AFG1L: variants seen among roughly 807,000 people sequenced by gnomAD.
AFG1L encodes AFG1 like ATPase, also known as AFG1-like ATPase.
AFG1L carries 53 observed loss-of-function variants against 62.2 expected under a neutral mutation model. The ratio of observed to expected loss-of-function variants is 0.85; its 90% CI spans 0.68 to 1.07. AFG1L has a LOEUF of 1.07. Among genes scored for constraint, AFG1L ranks in the 50% least tolerant of loss-of-function variants. AFG1L has a pLI of 0.00. For synonymous variants in AFG1L, 228 were observed against 210.3 expected (o/e 1.08, Z -0.73); for missense variants, 555 against 590.5 (o/e 0.94, Z 0.62).
chr6:108,418,294 A>G (rs1770418786), intron 7 of AFG1L, among the ~76,000 whole-genome samples: 1 of 152,164 alleles, frequency 6.6e-6, no homozygotes, highest in Non-Finnish European at 1.5e-5. Context: ...GAAAAATTTT[A>G]TGCTCATATA....
intron 7 of AFG1L, among the ~76,000 whole-genome samples, chr6:108,414,852 A>G (rs1223427294): frequency 6.6e-6 from 1 of 152,182 alleles, no homozygotes; most frequent in African/African-American, 2.4e-5. Context: ...TCCCTTTGAA[A>G]ACTGGCACAA....
At chr6:108,360,013 C>T (rs1779459873) in intron 5 of AFG1L, 1 of 152,202 alleles carries the variant, frequency 6.6e-6, no homozygotes, top group South Asian at 2.1e-4. Flanking sequence ...GAGGAAATGT[C>T]ACTTTCCTTA....
chr6:108,509,406 AC>A (rs748137118), intron 10 of AFG1L, among the ~76,000 whole-genome samples: 1 of 152,210 alleles, frequency 6.6e-6, no homozygotes, highest in Non-Finnish European at 1.5e-5. Flanking sequence ...CTTAAATTAA[AC>A]TAAAAATAAT....
chr6:108,460,960 AATG>A (rs1417124483), intron 8 of AFG1L, among the ~76,000 whole-genome samples: 2 of 152,208 alleles, frequency 1.3e-5, no homozygotes, highest in African/African-American at 4.8e-5. Flanking sequence ...CCGTCTCAAC[AATG>A]ACAACAACAA....
intron 8 of AFG1L, among the ~76,000 whole-genome samples, chr6:108,468,832 C>G (rs80352736): frequency 6.7e-6 from 1 of 149,800 alleles, no homozygotes; most frequent in Non-Finnish European, 1.5e-5. Flanking sequence ...CCTTTTCCTG[C>G]ATTTTGGATC....
At chr6:108,360,119 A>T (rs1779464954) in intron 5 of AFG1L, among the ~76,000 whole-genome samples, 1 of 152,204 alleles carries the variant, frequency 6.6e-6, no homozygotes, top group Non-Finnish European at 1.5e-5. Flanking sequence ...TTTTGGCCAC[A>T]GGAAACAGAA....
intron 10 of AFG1L, among the ~76,000 whole-genome samples, chr6:108,490,469 G>A (rs1773732703): frequency 6.6e-6 from 1 of 152,164 alleles, no homozygotes; most frequent in Non-Finnish European, 1.5e-5. Flanking sequence ...ACTGTCATAA[G>A]TTTATTAATT....
intron 1 of AFG1L, among the ~76,000 whole-genome samples, chr6:108,313,525 G>A (rs531193162): frequency 1.3e-5 from 2 of 151,994 alleles, no homozygotes; most frequent in African/African-American, 4.8e-5. Flanking sequence ...CATAGACATT[G>A]CTTTCTCTCT....
intron 7 of AFG1L, among the ~76,000 whole-genome samples, chr6:108,440,837 A>G (rs1210022800): frequency 6.7e-6 from 1 of 149,750 alleles, no homozygotes; most frequent in Admixed American, 6.6e-5. Context: ...AGAAAAAAGG[A>G]AAAGAAAAGT....
At chr6:108,295,245 G>C in intron 1 of AFG1L, 27 bp downstream of exon 1, 1 of 1,587,174 alleles carries the variant, frequency 6.3e-7, no homozygotes, top group Non-Finnish European at 8.5e-7. Flanking sequence ...TGAGTAGTCC[G>C]AGCCGACTGC....
rs1222397371 is a variant in AFG1L, at chr6:108,524,744, G to A, written c.*2319G>A. 6.6e-6 allele frequency: 1 copy of A among 152,192 alleles called. No homozygotes were observed. Among genetic ancestry groups the A allele is most frequent in the African/African-American group, 2.4e-5 (1 of 41,438 alleles). The allele number at this position is 152,192 out of a possible 1,614,324, so 9.4% of individuals were successfully genotyped here. A position where few individuals can be genotyped will look rare whatever the true frequency, so the allele number is the denominator to read the frequency against. On this transcript the variant is annotated 3_prime_UTR_variant, in exon 13 of 13. Transcript: ENST00000368977. ...GTTTATGCAGAAAGTGGGGCTAGAA[G>A]GCTTTGGCTGGATCTCTGGAGGGGA...
intron 1 of AFG1L, among the ~76,000 whole-genome samples, chr6:108,321,695 C>T (rs1277451967): frequency 1.3e-5 from 2 of 152,204 alleles, no homozygotes; most frequent in Non-Finnish European, 2.9e-5. Flanking sequence ...AACTCTCAAC[C>T]TGCATCTCCA....
At chr6:108,298,790 C>T (rs912025671) in intron 1 of AFG1L, among the ~76,000 whole-genome samples, 5 of 152,066 alleles carry the variant, frequency 3.3e-5, no homozygotes, top group Non-Finnish European at 5.9e-5. Context: ...CTCTTGTGGC[C>T]ACCTGAAAAA....
Position 108,472,680 on chromosome 6 carries a change from TC to T in AFG1L, c.891-4184del, listed in dbSNP as rs1189224158. ...CATATGCTGCTTGTTCACCGAGCTATCTTTTTTTTTTTTTTTTGAGATGGAA... is the reference window on the plus strand; with the variant it reads ...CATATGCTGCTTGTTCACCGAGCTATTTTTTTTTTTTTTTTTGAGATGGAA... On this transcript the variant is annotated intron_variant, in intron 8 of 12. Coordinates refer to ENST00000368977, the MANE Select transcript of AFG1L (RefSeq NM_145315.5). Among the ~76,000 whole-genome samples, 3 of 149,150 alleles carry T rather than the reference TC, an allele frequency of 2.0e-5. No individual in the cohort carries two copies. The Admixed American group carries it at 2.0e-4, about 10-fold the overall frequency.
intron 10 of AFG1L, among the ~76,000 whole-genome samples, chr6:108,485,646 ATATATATATATTTTTTTTTTTTTT>A (rs1773528270): frequency 4.9e-5 from 1 of 20,452 alleles, no homozygotes; most frequent in African/African-American, 2.5e-4. Flanking sequence ...ATATATATAT[ATATATATATATTTTTTTTTTTTTT>A]TTTTTTTTTT....
chr6:108,455,634 CT>C (rs1772225170), intron 8 of AFG1L, among the ~76,000 whole-genome samples: 1 of 152,130 alleles, frequency 6.6e-6, no homozygotes, highest in East Asian at 1.9e-4. Flanking sequence ...TCAAACTAAA[CT>C]TTAGCTGCAT....
intron 6 of AFG1L, among the ~76,000 whole-genome samples, chr6:108,385,326 G>A (rs1308639239): frequency 6.6e-6 from 1 of 152,202 alleles, no homozygotes; most frequent in African/African-American, 2.4e-5. Context: ...CTGGAATGAG[G>A]GCAAGGAACA....
At chr6:108,447,534 A>G (rs1358067218) in intron 8 of AFG1L, among the ~76,000 whole-genome samples, 1 of 152,154 alleles carries the variant, frequency 6.6e-6, no homozygotes, top group Non-Finnish European at 1.5e-5. Context: ...ATGATGACAG[A>G]TGGTTAGAAT....
At chr6:108,348,535 A>G (rs1778956850) in intron 3 of AFG1L, among the ~76,000 whole-genome samples, 1 of 152,250 alleles carries the variant, frequency 6.6e-6, no homozygotes, top group Non-Finnish European at 1.5e-5. Flanking sequence ...CACAAAAGTG[A>G]ACATTAGAGA....
Sources: gnomAD v4.1 joint callset for allele counts (sites outside exome capture counted in the v4.1 genomes callset) on GRCh38, gnomAD v4.1.1 for gene constraint, MANE v1.5 for transcripts, NCBI Gene and HGNC (gene_info 2026-07-23, HGNC 2026-07-21) for gene names.